DIAPH3: variants seen among roughly 807,000 people sequenced by gnomAD.
DIAPH3 encodes the protein protein diaphanous homolog 3.
DIAPH3 carries 117 observed loss-of-function variants against 144.3 expected under a neutral mutation model. The ratio of observed to expected loss-of-function variants is 0.81; its 90% CI spans 0.70 to 0.95. The LOEUF (loss-of-function observed/expected upper bound fraction) is 0.95. Among genes scored for constraint, DIAPH3 ranks in the 40% least tolerant of loss-of-function variants. The probability of loss-of-function intolerance (pLI) is 0.00; values close to 1 mark genes in which losing one functional copy is unlikely to be tolerated. For synonymous variants in DIAPH3, 519 were observed against 488.9 expected, an observed-to-expected ratio of 1.06 and a Z score of -0.81; for missense variants, 1,421 against 1,412.7, an observed-to-expected ratio of 1.01 and a Z score of -0.09.
At chr13:60,075,509 T>A (rs1334953869) in intron 4 of DIAPH3, among the ~76,000 whole-genome samples, 3 of 152,224 alleles carry the variant, frequency 2.0e-5, no homozygotes, top group Admixed American at 2.0e-4. Flanking sequence ...AAGATTAATT[T>A]TGGTAATATC....
At chr13:60,091,813 T>C (rs921721988) in intron 4 of DIAPH3, among the ~76,000 whole-genome samples, 3 of 152,120 alleles carry the variant, frequency 2.0e-5, no homozygotes, top group African/African-American at 7.2e-5. Flanking sequence ...TGTGTTCTAA[T>C]CATGAAATAA....
rs1206138449 is a variant in DIAPH3 at position 59,774,744 on chromosome 13, C to T, written c.3243G>A (p.Arg1081=). The change falls in exon 26 of 28, where the codon AGG becomes AGA. Residue 1081 remains arginine (R), a synonymous_variant. Coordinates refer to ENST00000400324, the MANE Select transcript of DIAPH3 (RefSeq NM_001042517.2). ...AGGGTTCACCTTTTGGCATCGGTGT[C>T]CTTTTTCTTCTGTCGCGGAAGGCAG... ...SGAAFRDRRK[R]TPMPKDVRQS... The T allele has an allele frequency of 1.2e-6, 2 of 1,614,138 alleles. No individual in the cohort carries two copies. The highest frequency in any genetic ancestry group is 3.3e-5 in the Admixed American group (2 of 60,024).
chr13:59,857,113 T>A (rs905911898), intron 22 of DIAPH3, among the ~76,000 whole-genome samples: 3 of 152,144 alleles, frequency 2.0e-5, no homozygotes, highest in African/African-American at 7.2e-5. Flanking sequence ...TTATTCAAAA[T>A]ATGTATCAAA....
intron 3 of DIAPH3, among the ~76,000 whole-genome samples, chr13:60,103,780 A>G (rs1345121811): frequency 6.6e-6 from 1 of 152,224 alleles, no homozygotes; most frequent in Non-Finnish European, 1.5e-5. Context: ...GTCCACAAAG[A>G]TCCCCTAATT....
At chr13:59,857,265 C>T (rs2043311442) in intron 22 of DIAPH3, among the ~76,000 whole-genome samples, 1 of 152,004 alleles carries the variant, frequency 6.6e-6, no homozygotes, top group South Asian at 2.1e-4. Flanking sequence ...ATTAAGTGTT[C>T]TAAGTGCTCA....
chr13:60,108,816 G>A (rs1296661104), intron 3 of DIAPH3, among the ~76,000 whole-genome samples: 1 of 152,092 alleles, frequency 6.6e-6, no homozygotes, highest in Non-Finnish European at 1.5e-5. Context: ...TGACTCCCAA[G>A]TATGACTTCA....
At chr13:60,034,196 C>T (rs1375745501) in intron 5 of DIAPH3, among the ~76,000 whole-genome samples, 3 of 152,066 alleles carry the variant, frequency 2.0e-5, no homozygotes, top group African/African-American at 7.2e-5. Context: ...ACCAAAGAAA[C>T]CAAAATATTC....
At chr13:60,161,004 A>C (rs1006079614) in intron 1 of DIAPH3, among the ~76,000 whole-genome samples, 2 of 152,190 alleles carry the variant, frequency 1.3e-5, no homozygotes, top group Non-Finnish European at 2.9e-5. Flanking sequence ...GTAAAACAAG[A>C]TTTCAGCGGG....
chr13:59,729,699 A>C (rs967882183), intron 27 of DIAPH3, among the ~76,000 whole-genome samples: 1 of 152,054 alleles, frequency 6.6e-6, no homozygotes, highest in African/African-American at 2.4e-5. Flanking sequence ...AGAATGTACC[A>C]ACATCAATTT....
At chr13:59,805,526 C>T (rs548792454) in intron 25 of DIAPH3, among the ~76,000 whole-genome samples, 1 of 151,956 alleles carries the variant, frequency 6.6e-6, no homozygotes, top group East Asian at 1.9e-4. Context: ...ATAGTTCAAA[C>T]TCAAGCATCA....
At chr13:59,850,572 G>C (rs1382485674) in intron 22 of DIAPH3, among the ~76,000 whole-genome samples, 1 of 150,376 alleles carries the variant, frequency 6.6e-6, no homozygotes, top group Non-Finnish European at 1.5e-5. Context: ...CATCTATTGA[G>C]ATAATCATGT....
intron 3 of DIAPH3, among the ~76,000 whole-genome samples, chr13:60,108,733 G>A (rs2058487619): frequency 6.6e-6 from 1 of 152,108 alleles, no homozygotes; most frequent in Admixed American, 6.6e-5. Context: ...TAAAGCAGGG[G>A]GGAAATAAAC....
chr13:59,739,888 C>A (rs530608795), intron 27 of DIAPH3, among the ~76,000 whole-genome samples: 78 of 152,180 alleles, frequency 5.1e-4, no homozygotes, highest in African/African-American at 1.8e-3. Flanking sequence ...AAAGTTCCAA[C>A]AAACAAAACT....
At chr13:59,815,921 A>T (rs764055094) in intron 24 of DIAPH3, among the ~76,000 whole-genome samples, 2 of 152,014 alleles carry the variant, frequency 1.3e-5, no homozygotes, top group Non-Finnish European at 2.9e-5. Context: ...ATCTTGCTAT[A>T]CTGACTAGGA....
At chr13:59,783,472 G>C (rs2038857901) in intron 25 of DIAPH3, among the ~76,000 whole-genome samples, 1 of 152,148 alleles carries the variant, frequency 6.6e-6, no homozygotes, top group African/African-American at 2.4e-5. Context: ...AGGGCTGATA[G>C]AGTCACAGGT....
intron 2 of DIAPH3, among the ~76,000 whole-genome samples, chr13:60,127,123 GA>G (rs1204293717): frequency 6.6e-6 from 1 of 151,764 alleles, no homozygotes; most frequent in Non-Finnish European, 1.5e-5. Flanking sequence ...GAAAAACACA[GA>G]AAACACAAAT....
chr13:59,924,833 C>A lies in DIAPH3; in HGVS notation c.2112G>T (p.Ser704=). 2 of 1,600,866 alleles carry A rather than the reference C, an allele frequency of 1.2e-6. No individual in the cohort carries two copies. The highest frequency in any genetic ancestry group is 2.2e-5 in the South Asian group (2 of 90,734). The change falls in exon 18 of 28, where the codon TCG becomes TCT. Residue 704 remains serine, a synonymous_variant. Coordinates refer to ENST00000400324, the MANE Select transcript of DIAPH3 (RefSeq NM_001042517.2). ...TAAGTTCTTTAATTTTTTTCTTAATCGATTTCTTCTCTTCAATATCTTCCT... is the reference window on the plus strand; with the variant it reads ...TAAGTTCTTTAATTTTTTTCTTAATAGATTTCTTCTCTTCAATATCTTCCT... ...REEEDIEEKK[S]IKKKIKELKF... is the part of the protein sequence containing the mutation.
intron 4 of DIAPH3, among the ~76,000 whole-genome samples, chr13:60,091,658 AT>A (rs1168354944): frequency 6.6e-6 from 1 of 152,134 alleles, no homozygotes; most frequent in Non-Finnish European, 1.5e-5. Context: ...GTAAATCTGT[AT>A]TTTTACTGAT....
chr13:60,114,178 C>T (rs1257629941), intron 2 of DIAPH3, among the ~76,000 whole-genome samples: 1 of 136,206 alleles, frequency 7.3e-6, no homozygotes, highest in Non-Finnish European at 1.6e-5. Flanking sequence ...TACATTAACC[C>T]TAAAATGGGC....
Sources: allele counts gnomAD v4.1 joint callset (sites outside exome capture counted in the v4.1 genomes callset), GRCh38; gene constraint gnomAD v4.1.1; transcripts MANE v1.5; gene names NCBI Gene and HGNC (gene_info 2026-07-23, HGNC 2026-07-21).